The following AKAP6 variants were observed in gnomAD, a reference collection of about 807,000 sequenced individuals.
The protein encoded by AKAP6 is A-kinase anchor protein 6.
AKAP6 carries 58 observed loss-of-function variants against 188.5 expected under a neutral mutation model. The ratio of observed to expected loss-of-function variants is 0.31; its 90% CI spans 0.25 to 0.38. AKAP6 has a LOEUF of 0.38. AKAP6 is among the 10% of genes least tolerant of loss of function. The pLI, the probability that AKAP6 is intolerant of heterozygous loss-of-function variation, is 1.00. For synonymous variants in AKAP6, 989 were observed against 998.6 expected, an observed-to-expected ratio of 0.99 and a Z score of 0.18; for missense variants, 2,710 against 2,740.0, an observed-to-expected ratio of 0.99 and a Z score of 0.24.
At chr14:32,687,743 C>CT (rs1333918519) in intron 8 of AKAP6, among the ~76,000 whole-genome samples, 2 of 152,032 alleles carry the variant, frequency 1.3e-5, no homozygotes, top group Admixed American at 6.6e-5. Flanking sequence ...AATTCAGGCC[C>CT]TTTTTGTGCT....
chr14:32,583,962 G>A (rs559218339), intron 5 of AKAP6, among the ~76,000 whole-genome samples: 5 of 152,286 alleles, frequency 3.3e-5, no homozygotes, highest in South Asian at 4.1e-4. Context: ...GCTTTGGCTC[G>A]CGCACGGTGC....
chr14:32,566,643 A>G (rs11848987), intron 4 of AKAP6, among the ~76,000 whole-genome samples: 8,036 of 152,296 alleles, frequency 0.053, 681 homozygotes, highest in African/African-American at 0.18. Context: ...TTACTCATAC[A>G]CATGGAGTTC....
intron 11 of AKAP6, among the ~76,000 whole-genome samples, chr14:32,738,308 A>G (rs2031524629): frequency 1.3e-5 from 2 of 152,118 alleles, no homozygotes; most frequent in African/African-American, 4.8e-5. Flanking sequence ...TCATTATTCT[A>G]AAGACTCCAA....
chr14:32,522,074 A>C lies in AKAP6; in HGVS notation c.325-13480A>C, dbSNP rs183544245. 5.3e-5 allele frequency among the ~76,000 whole-genome samples: 8 copies of C among 152,338 alleles called. No homozygotes were observed. The East Asian group carries it at 1.5e-3, about 29-fold the overall frequency. On this transcript the variant is annotated intron_variant, in intron 2 of 13. Transcript: ENST00000280979. ...TTTGATCTTTGACAAACCTGACGAA[A>C]ACAAGAAATGGGGAAAGGATTCCCT...
intron 12 of AKAP6, among the ~76,000 whole-genome samples, chr14:32,779,415 CAAAAAA>C (rs56103737): frequency 9.5e-6 from 1 of 105,378 alleles, no homozygotes; most frequent in Non-Finnish European, 1.8e-5. Flanking sequence ...GTCTCAGGAC[CAAAAAA>C]AAAAAAAAAA....
chr14:32,777,185 C>T (rs184292625), intron 12 of AKAP6, among the ~76,000 whole-genome samples: 8 of 152,272 alleles, frequency 5.3e-5, no homozygotes, highest in South Asian at 2.1e-4. Context: ...CAAACTGTTT[C>T]AAAGTAATTT....
intron 12 of AKAP6, among the ~76,000 whole-genome samples, chr14:32,806,228 G>T (rs1024478046): frequency 6.6e-6 from 1 of 152,198 alleles, no homozygotes; most frequent in African/African-American, 2.4e-5. Context: ...AGATAATTTT[G>T]ACATAGATGA....
chr14:32,721,421 A>AT (rs981172287), intron 9 of AKAP6, among the ~76,000 whole-genome samples: 10 of 152,220 alleles, frequency 6.6e-5, no homozygotes, highest in Non-Finnish European at 1.5e-4. Context: ...TTTTAAAAAA[A>AT]TTTACAGGAA....
At chr14:32,411,581 C>G (rs1009800896) in intron 1 of AKAP6, among the ~76,000 whole-genome samples, 1 of 152,056 alleles carries the variant, frequency 6.6e-6, no homozygotes, top group Non-Finnish European at 1.5e-5. Context: ...AGGTGATTAT[C>G]TTAGGTTTAG....
intron 12 of AKAP6, among the ~76,000 whole-genome samples, chr14:32,813,800 C>T (rs2034309314): frequency 6.6e-6 from 1 of 151,824 alleles, no homozygotes; most frequent in South Asian, 2.1e-4. Context: ...ACTTCACAAT[C>T]ATCCTGTTTA....
intron 1 of AKAP6, among the ~76,000 whole-genome samples, chr14:32,365,877 T>C (rs1482441627): frequency 6.6e-6 from 1 of 152,130 alleles, no homozygotes; most frequent in Non-Finnish European, 1.5e-5. Context: ...TACCTACTAT[T>C]TCCTTCTGCC....
intron 1 of AKAP6, chr14:32,403,099 G>A (rs7158318): frequency 0.017 from 2,560 of 152,234 alleles, 70 homozygotes; most frequent in African/African-American, 0.058. Context: ...CAAGAAGAGG[G>A]TTTTCTCACA....
chr14:32,623,394 T>C (rs969851692), intron 7 of AKAP6, among the ~76,000 whole-genome samples: 1 of 152,154 alleles, frequency 6.6e-6, no homozygotes, highest in Non-Finnish European at 1.5e-5. Flanking sequence ...ATTTGAAACA[T>C]GACAATTGGC....
intron 1 of AKAP6, among the ~76,000 whole-genome samples, chr14:32,372,614 A>G (rs1888043767): frequency 6.6e-6 from 1 of 151,962 alleles, no homozygotes; most frequent in Non-Finnish European, 1.5e-5. Flanking sequence ...GGAACTGGCA[A>G]GATTCAGATT....
chr14:32,566,185 C>G (rs11848863), intron 4 of AKAP6, among the ~76,000 whole-genome samples: 3 of 152,024 alleles, frequency 2.0e-5, no homozygotes, highest in Non-Finnish European at 4.4e-5. Flanking sequence ...CTCCATAACA[C>G]GTGATATTGT....
intron 2 of AKAP6, among the ~76,000 whole-genome samples, chr14:32,504,642 T>C (rs765070573): frequency 1.3e-4 from 20 of 152,218 alleles, no homozygotes; most frequent in Non-Finnish European, 2.1e-4. Flanking sequence ...TTGGAATTTT[T>C]AGTCAATTAT....
At chr14:32,733,929 T>C (rs529108948) in intron 10 of AKAP6, 4 of 152,282 alleles carry the variant, frequency 2.6e-5, no homozygotes, top group African/African-American at 7.2e-5. Context: ...AATATATCCA[T>C]TGGTAATTTG....
intron 1 of AKAP6, among the ~76,000 whole-genome samples, chr14:32,358,641 T>C (rs1887558696): frequency 6.6e-6 from 1 of 151,744 alleles, no homozygotes. Context: ...CACTGGGAGG[T>C]GGATGAAACA....
chr14:32,389,911 G>A (rs1315709088), intron 1 of AKAP6, among the ~76,000 whole-genome samples: 1 of 152,052 alleles, frequency 6.6e-6, no homozygotes, highest in African/African-American at 2.4e-5. Context: ...GGCCAGGGAA[G>A]TTTTCCTTGA....
Sources: gnomAD v4.1 joint callset for allele counts (sites outside exome capture counted in the v4.1 genomes callset) on GRCh38, gnomAD v4.1.1 for gene constraint, MANE v1.5 for transcripts, NCBI Gene and HGNC (gene_info 2026-07-23, HGNC 2026-07-21) for gene names.